CRB2: variants seen among roughly 807,000 people sequenced by gnomAD.
CRB2 encodes the protein protein crumbs homolog 2.
A neutral mutation model predicts 110.9 loss-of-function variants in CRB2; 85 were observed. The ratio of observed to expected loss-of-function variants is 0.77; its 90% CI spans 0.64 to 0.92. The LOEUF (loss-of-function observed/expected upper bound fraction) is 0.92. CRB2 is among the 40% of genes least tolerant of loss of function. The pLI is 0.00. For missense variants in CRB2, 1,843 were observed against 1,851.3 expected, an observed-to-expected ratio of 1.00 and a Z score of 0.08; for synonymous variants, 907 against 831.0, an observed-to-expected ratio of 1.09 and a Z score of -1.57.
chr9:123,380,206 G>A (rs2042205763), downstream of CRB2: 1 of 152,386 alleles, frequency 6.6e-6, no homozygotes, highest in Admixed American at 6.5e-5. Context: ...TGTCTCAGAT[G>A]GTTGTTTTCT....
Position 123,374,561 on chromosome 9 carries a change from C to T in CRB2, c.3390-18C>T, listed in dbSNP as rs2042073984. ...CCCAGGTGTCCTGCACCCACTCCAG[C>T]CTCTGCTCTCTCCCCAGGTTGCCTG... On this transcript the variant is annotated intron_variant, in intron 10 of 12. Transcript: ENST00000373631. The T allele has an allele frequency of 6.3e-7, 1 of 1,593,326 alleles. No individual in the cohort carries two copies. The highest frequency in any genetic ancestry group is 1.1e-5 in the South Asian group (1 of 90,446).
At position 123,373,326 on chromosome 9, in the gene CRB2, G is replaced by T; in HGVS notation, c.2795G>T (p.Gly932Val). The T allele has an allele frequency of 6.9e-7, 1 of 1,447,102 alleles. No homozygotes were observed. The highest frequency in any genetic ancestry group is 9.0e-7 in the Non-Finnish European group (1 of 1,109,040). 89.6% of individuals were successfully genotyped at this position (1,447,102 alleles called of 1,614,324 possible). ...LAVRNGSLAG[G>V]VRGGHGLPGA... Reference sequence around the variant, plus strand: ...GTGCGCAATGGCTCGCTGGCGGGGGGCGTGCGCGGAGGCCATGGCCTGCCC... The same window carrying T: ...GTGCGCAATGGCTCGCTGGCGGGGGTCGTGCGCGGAGGCCATGGCCTGCCC... Residue 932 changes from glycine to valine, a missense_variant, in exon 10 of 13, where the codon GGC becomes GTC. Coordinates refer to ENST00000373631, the MANE Select transcript of CRB2 (RefSeq NM_173689.7).
At chr9:123,379,120 T>C (rs2042159754), downstream of CRB2, among the ~76,000 whole-genome samples, 1 of 37,474 alleles carries the variant, frequency 2.7e-5, no homozygotes, top group Non-Finnish European at 8.0e-5. Context: ...GCCTGTCGTT[T>C]TCAGCCTGTC....
Position 123,373,213 on chromosome 9 carries a change from CGGCCTGTCGCT to C in CRB2, c.2688_2698del (p.Leu898HisfsTer91). 2 of 1,510,532 alleles carry C rather than the reference CGGCCTGTCGCT, an allele frequency of 1.3e-6. No individual in the cohort carries two copies. The highest frequency in any genetic ancestry group is 1.8e-6 in the Non-Finnish European group (2 of 1,136,328). The allele number at this position is 1,510,532 out of a possible 1,614,324, so 93.6% of individuals were successfully genotyped here. A position where few individuals can be genotyped will look rare whatever the true frequency, so the allele number is the denominator to read the frequency against. ...ACGCGTCGTCAGGGCGCTTGCTCGG[CGGCCTGTCGCT>C]GGCCTTTCGCACGCGCGACTCCGAG... On this transcript the variant is annotated frameshift_variant, in exon 10 of 13. Coordinates refer to ENST00000373631, the MANE Select transcript of CRB2 (RefSeq NM_173689.7). LOFTEE classifies it high-confidence loss of function.
intron 11 of CRB2, 46 bp from the exon 12 acceptor site, chr9:123,375,171 G>C: frequency 6.2e-7 from 1 of 1,610,010 alleles, no homozygotes; most frequent in South Asian, 1.1e-5. Context: ...GAGCACAAGA[G>C]GCAGCCATGG....
intron 1 of CRB2, among the ~76,000 whole-genome samples, chr9:123,358,834 G>A (rs566778978): frequency 5.3e-5 from 8 of 152,240 alleles, no homozygotes; most frequent in Admixed American, 2.0e-4. Flanking sequence ...TATAAGGATT[G>A]GAAGAGAATG....
chr9:123,373,831 C>T lies in CRB2; in HGVS notation c.3300C>T (p.Ser1100=), dbSNP rs756726174. 29 of 1,570,392 alleles carry T rather than the reference C, an allele frequency of 1.8e-5. No homozygotes were observed. The highest frequency in any genetic ancestry group is 3.5e-5 in the Admixed American group (2 of 56,680). The change falls in exon 10 of 13, where the codon TCC becomes TCT. Residue 1100 remains serine (S), a synonymous_variant. Transcript: ENST00000373631. ...RCEAHVDPCH[S]APCARGRCHT... The stretch of plus-strand genomic sequence containing the variant: ...AAGCCCACGTCGACCCCTGTCACTC[C>T]GCCCCCTGCGCCCGTGGCCGCTGTC...
downstream of CRB2, chr9:123,380,297 A>G (rs1186574308): frequency 1.3e-5 from 2 of 152,554 alleles, no homozygotes; most frequent in South Asian, 2.1e-4. Flanking sequence ...GGTAAAAAGG[A>G]AAAAGAAAGA....
At chr9:123,363,305 G>C (rs776420098) in intron 2 of CRB2, 117 bp downstream of exon 2, 10 of 1,118,508 alleles carry the variant, frequency 8.9e-6, no homozygotes. Flanking sequence ...CCAGGCATCC[G>C]GGCAGCTCTA....
intron 9 of CRB2, among the ~76,000 whole-genome samples, chr9:123,372,845 G>C (rs2042035959): frequency 6.6e-6 from 1 of 152,252 alleles, no homozygotes. Flanking sequence ...GAAGGGGCCA[G>C]ATTCTGCCAG....
At chr9:123,363,356 C>A (rs2041891521) in intron 2 of CRB2, among the ~76,000 whole-genome samples, 168 bp downstream of exon 2, 1 of 152,196 alleles carries the variant, frequency 6.6e-6, no homozygotes, top group Non-Finnish European at 1.5e-5. Flanking sequence ...TGATGCCTGG[C>A]AGCTCTGGGT....
rs746637476 is a variant in CRB2 at position 123,367,569 on chromosome 9, A to G, written c.941-4A>G. 1.2e-5 allele frequency: 19 copies of G among 1,550,590 alleles called. No homozygotes were observed. Among genetic ancestry groups the G allele is most frequent in the Non-Finnish European group, 1.7e-5 (19 of 1,147,994 alleles). On this transcript the variant is annotated splice_region_variant and splice_polypyrimidine_tract_variant and intron_variant, in intron 5 of 12. Coordinates refer to ENST00000373631, the MANE Select transcript of CRB2 (RefSeq NM_173689.7). The stretch of plus-strand genomic sequence containing the variant: ...GGTGGGACCCACAGCTGGGCCTCTT[A>G]CAGGAGCCGACTGCGGTGTGGAGGT...
At chr9:123,374,170 G>A (rs2042067367) in intron 10 of CRB2, 1 of 653,602 alleles carries the variant, frequency 1.5e-6, no homozygotes, top group East Asian at 2.9e-5. Context: ...CCGCTTACAC[G>A]GAGGTTCATC....
chr9:123,363,252 T>TTAATGCAG, intron 2 of CRB2, 64 bp downstream of exon 2: 2 of 1,489,042 alleles, frequency 1.3e-6, no homozygotes, highest in Non-Finnish European at 1.8e-6. Flanking sequence ...GCTCAGAGTG[T>TTAATGCAG]AAGCATCATG....
rs1336551424 is a variant in CRB2, at chr9:123,359,030, T to G, written c.94+2676T>G. ...GAGGTAACTCCCTGGAACTGTGCTC[T>G]GAGCCCAAACTCTCAAGGGTTGGTC... On this transcript the variant is annotated intron_variant, in intron 1 of 12. Coordinates refer to ENST00000373631, the MANE Select transcript of CRB2 (RefSeq NM_173689.7). Among the ~76,000 whole-genome samples the G allele has an allele frequency of 2.0e-5, 3 of 152,206 alleles. No homozygotes were observed. The East Asian group carries it at 5.8e-4, about 29-fold the overall frequency.
chr9:123,363,161 G>T lies in CRB2; in HGVS notation c.391G>T (p.Glu131Ter), dbSNP rs760285880. The T allele has an allele frequency of 8.7e-6, 14 of 1,609,134 alleles. No homozygotes were observed. The highest frequency in any genetic ancestry group is 1.2e-5 in the Non-Finnish European group (14 of 1,178,330). ...CTGCCGCAACCTGGCCGATCGCTAC[G>T]AGTGCCATTGCCCCCTTGGCTATGC... Reference protein sequence around the residue: ...ATCRNLADRYECHCPLGYAGV... With the variant: ...ATCRNLADRY The change falls in exon 2 of 13, where the codon GAG becomes TAG. Residue 131 changes from glutamate (E) to a stop codon, truncating the protein, a stop_gained. Coordinates refer to ENST00000373631, the MANE Select transcript of CRB2 (RefSeq NM_173689.7). LOFTEE classifies it high-confidence loss of function.
At chr9:123,360,418 G>T (rs1397013522) in intron 1 of CRB2, among the ~76,000 whole-genome samples, 3 of 152,162 alleles carry the variant, frequency 2.0e-5, no homozygotes, top group Admixed American at 1.3e-4. Flanking sequence ...GGCCCGGGAA[G>T]GGGGGACAGC....
At chr9:123,367,484 A>T in intron 5 of CRB2, 89 bp from the exon 6 acceptor site, 1 of 1,161,734 alleles carries the variant, frequency 8.6e-7, no homozygotes, top group Non-Finnish European at 1.2e-6. Flanking sequence ...TCTCTCTTGG[A>T]CTCAGTCTCT....
In CRB2 at chr9:123,377,136, C is replaced by T. The variant is rs940766932; in HGVS notation, c.*74C>T. 1 of 1,338,170 alleles carries T rather than the reference C, an allele frequency of 7.5e-7. No individual in the cohort carries two copies. The highest frequency in any genetic ancestry group is 1.5e-5 in the African/African-American group (1 of 67,910). 82.9% of individuals were successfully genotyped at this position (1,338,170 alleles called of 1,614,324 possible). ...ACCTGGAGACCCAAGGAAGCTGCTT[C>T]CAGGGCTCGGGACATTGCTACGGAA... On this transcript the variant is annotated 3_prime_UTR_variant, in exon 13 of 13. Coordinates refer to ENST00000373631, the MANE Select transcript of CRB2 (RefSeq NM_173689.7).
Sources: allele counts gnomAD v4.1 joint callset (sites outside exome capture counted in the v4.1 genomes callset), GRCh38; gene constraint gnomAD v4.1.1; transcripts MANE v1.5; gene names NCBI Gene and HGNC (gene_info 2026-07-23, HGNC 2026-07-21).